Variants in HS3ST5 observed in about 807,000 individuals in gnomAD.
The protein encoded by HS3ST5 is heparan sulfate glucosamine 3-O-sulfotransferase 5.
A neutral mutation model predicts 25.4 loss-of-function variants in HS3ST5; 10 were observed. The observed-to-expected ratio is 0.39, with a 90% confidence interval of 0.24 to 0.67. The LOEUF is 0.67. Ranked by LOEUF, HS3ST5 falls within the 30% of genes least tolerant of loss-of-function variation. HS3ST5 has a pLI of 0.44. For missense variants in HS3ST5, 324 were observed against 420.7 expected (o/e 0.77, Z 2.01); for synonymous variants, 170 against 162.4 (o/e 1.05, Z -0.36).
At chr6:114,096,436 T>C (rs1775429789) in intron 3 of HS3ST5, among the ~76,000 whole-genome samples, 1 of 152,266 alleles carries the variant, frequency 6.6e-6, no homozygotes, top group East Asian at 1.9e-4. Flanking sequence ...GGACTTTTTT[T>C]CCCCATAAAA....
At chr6:114,076,698 TG>T (rs1774159588) in intron 3 of HS3ST5, among the ~76,000 whole-genome samples, 1 of 152,248 alleles carries the variant, frequency 6.6e-6, no homozygotes, top group Non-Finnish European at 1.5e-5. Flanking sequence ...GTTTTCCTTC[TG>T]TAATAATAAT....
intron 1 of HS3ST5, among the ~76,000 whole-genome samples, chr6:114,301,054 T>G (rs1775053215): frequency 6.6e-6 from 1 of 152,106 alleles, no homozygotes; most frequent in Non-Finnish European, 1.5e-5. Context: ...ACTGAGGGGA[T>G]GAAGAAAATG....
chr6:114,148,981 A>G (rs985143538), intron 3 of HS3ST5, among the ~76,000 whole-genome samples: 3 of 152,212 alleles, frequency 2.0e-5, no homozygotes, highest in African/African-American at 7.2e-5. Flanking sequence ...CATGAAAGAA[A>G]GCTCATCATC....
intron 2 of HS3ST5, among the ~76,000 whole-genome samples, chr6:114,221,103 C>G (rs1000120067): frequency 6.6e-6 from 1 of 152,052 alleles, no homozygotes; most frequent in Admixed American, 6.6e-5. Flanking sequence ...AATTACTTTC[C>G]CTCTCTGGAA....
At chr6:114,279,876 G>T (rs1774029474) in intron 1 of HS3ST5, among the ~76,000 whole-genome samples, 1 of 151,932 alleles carries the variant, frequency 6.6e-6, no homozygotes, top group Non-Finnish European at 1.5e-5. Flanking sequence ...TAAGACAAGT[G>T]GTAGAAACAT....
chr6:114,316,267 C>T (rs785135), intron 1 of HS3ST5, among the ~76,000 whole-genome samples: 101,567 of 152,074 alleles, frequency 0.67, 34,536 homozygotes, highest in African/African-American at 0.77. Flanking sequence ...ATTATTTGTA[C>T]AAATTATACC....
At position 114,117,886 on chromosome 6, in the gene HS3ST5, C is replaced by T. The variant is rs112925776; in HGVS notation, c.-33+50465G>A. On this transcript the variant is annotated intron_variant, in intron 3 of 4. Transcript: ENST00000312719. ...CCTCTAGGAGTGGCACTGTGGGCAA[C>T]GTAGGGAATTCAGAGTGCAACAAAT... Among the ~76,000 whole-genome samples, 125 of 151,254 alleles carry T rather than the reference C, an allele frequency of 8.3e-4. 4 individuals are homozygous for T. The highest frequency in any genetic ancestry group is 2.6e-3 in the African/African-American group (109 of 41,442).
chr6:114,069,567 G>A (rs1406133621), intron 3 of HS3ST5, among the ~76,000 whole-genome samples: 2 of 144,670 alleles, frequency 1.4e-5, no homozygotes, highest in Non-Finnish European at 3.0e-5. Context: ...TCGCCAGGCT[G>A]GATTGCAGTG....
chr6:114,300,259 C>T (rs1344937492), intron 1 of HS3ST5, among the ~76,000 whole-genome samples: 2 of 151,852 alleles, frequency 1.3e-5, no homozygotes, highest in African/African-American at 4.8e-5. Context: ...TACAAGCCAT[C>T]TATCTGAAAA....
intron 1 of HS3ST5, among the ~76,000 whole-genome samples, chr6:114,248,105 G>A (rs1772465132): frequency 6.6e-6 from 1 of 151,294 alleles, no homozygotes. Flanking sequence ...GGAGGCTGAG[G>A]CAGGAGACTC....
At chr6:114,123,916 T>C (rs1343411455) in intron 3 of HS3ST5, among the ~76,000 whole-genome samples, 1 of 152,210 alleles carries the variant, frequency 6.6e-6, no homozygotes, top group Non-Finnish European at 1.5e-5. Context: ...TGTTGCTCCA[T>C]GTATTTCTTT....
chr6:114,213,648 C>G (rs1454021530), intron 2 of HS3ST5, among the ~76,000 whole-genome samples: 1 of 152,094 alleles, frequency 6.6e-6, no homozygotes, highest in Non-Finnish European at 1.5e-5. Flanking sequence ...CCAGGTATCT[C>G]AAGATAAGGT....
intron 3 of HS3ST5, among the ~76,000 whole-genome samples, chr6:114,123,832 A>G (rs966581879): frequency 6.6e-6 from 1 of 150,850 alleles, no homozygotes; most frequent in Admixed American, 6.6e-5. Context: ...TGGTAACTCC[A>G]AGATAATTTT....
At chr6:114,300,015 T>C (rs1015483594) in intron 1 of HS3ST5, among the ~76,000 whole-genome samples, 1 of 152,058 alleles carries the variant, frequency 6.6e-6, no homozygotes, top group African/African-American at 2.4e-5. Context: ...GACAGCCTGA[T>C]AATACAGCAA....
At chr6:114,122,846 C>G (rs1006362279) in intron 3 of HS3ST5, among the ~76,000 whole-genome samples, 1 of 152,252 alleles carries the variant, frequency 6.6e-6, no homozygotes, top group African/African-American at 2.4e-5. Flanking sequence ...ATACTCTGAA[C>G]TTCCAATCTG....
chr6:114,234,449 G>A (rs543891463), intron 1 of HS3ST5, among the ~76,000 whole-genome samples: 2 of 151,958 alleles, frequency 1.3e-5, no homozygotes, highest in Non-Finnish European at 2.9e-5. Flanking sequence ...AGTACTAAAA[G>A]ATATTTTAGG....
At chr6:114,148,352 C>T (rs2114953354) in intron 3 of HS3ST5, among the ~76,000 whole-genome samples, 1 of 152,288 alleles carries the variant, frequency 6.6e-6, no homozygotes, top group Middle Eastern at 3.4e-3. Context: ...GGCACAGTGG[C>T]TTATGCCTGT....
At chr6:114,197,418 T>C (rs1780815794) in intron 2 of HS3ST5, among the ~76,000 whole-genome samples, 1 of 152,182 alleles carries the variant, frequency 6.6e-6, no homozygotes, top group South Asian at 2.1e-4. Flanking sequence ...ATATTTATCC[T>C]CCAGTTGAAT....
At chr6:114,220,531 G>A (rs1376116232) in intron 2 of HS3ST5, 2 of 151,914 alleles carry the variant, frequency 1.3e-5, no homozygotes, top group African/African-American at 2.4e-5. Flanking sequence ...TATTTTCCAA[G>A]CTCAGCACTT....
Sources: allele counts gnomAD v4.1 joint callset (sites outside exome capture counted in the v4.1 genomes callset), GRCh38; gene constraint gnomAD v4.1.1; transcripts MANE v1.5; gene names NCBI Gene and HGNC (gene_info 2026-07-23, HGNC 2026-07-21).